Variants in PPP1R18 observed in about 807,000 individuals in gnomAD.
PPP1R18 encodes phostensin.
In PPP1R18, 31 loss-of-function variants were observed where a neutral mutation model predicts 54.8. That is an observed-to-expected ratio of 0.57 (90% CI 0.43 to 0.76). The LOEUF is 0.76. PPP1R18 is among the 30% of genes least tolerant of loss of function. The pLI is 0.00. For missense variants in PPP1R18, 685 were observed against 776.1 expected (o/e 0.88, Z 1.39); for synonymous variants, 310 against 320.2 (o/e 0.97, Z 0.34).
Position 30,684,606 on chromosome 6 carries a change from G to A in PPP1R18, c.1413C>T (p.Thr471=). 6.3e-7 allele frequency: 1 copy of A among 1,585,636 alleles called. No individual in the cohort carries two copies. The highest frequency in any genetic ancestry group is 8.6e-7 in the Non-Finnish European group (1 of 1,165,584). The change falls in exon 1 of 3, where the codon ACC becomes ACT. Residue 471 remains threonine (T), a synonymous_variant. Transcript: ENST00000274853. This position sits in a 1 kb window ranked among gnomAD's most constrained non-coding sequence, Gnocchi z 6.0. ...CAGACCGCCGGGGGTTGACGGTGAAGGTGTGTCCACTGCGGCGGGGGGCCC... is the reference window on the plus strand; with the variant it reads ...CAGACCGCCGGGGGTTGACGGTGAAAGTGTGTCCACTGCGGCGGGGGGCCC... The part of the protein sequence containing the change: ...GVGAPRRSGH[T]FTVNPRRSVP...
chr6:30,685,840 G>A lies in PPP1R18; in HGVS notation c.179C>T (p.Pro60Leu), dbSNP rs1490550874. The change falls in exon 1 of 3, where the codon CCT becomes CTT. Residue 60 changes from proline (P) to leucine (L), a missense_variant. Physicochemically the swap from Pro to Leu is moderately conservative, Grantham distance 98. Transcript: ENST00000274853. This position sits in a 1 kb window ranked among gnomAD's most constrained non-coding sequence, Gnocchi z 5.0. ...KLGLSPGEPS[P>L]VLGTVEAGPP... is the part of the protein sequence containing the mutation. ...TCCAGCCTCTACAGTCCCTAGCACAGGGCTAGGCTCCCCAGGGGACAGCCC... is the reference window on the plus strand; with the variant it reads ...TCCAGCCTCTACAGTCCCTAGCACAAGGCTAGGCTCCCCAGGGGACAGCCC... 5 of 1,612,772 alleles carry A rather than the reference G, an allele frequency of 3.1e-6. No homozygotes were observed. In the East Asian group the frequency reaches 1.1e-4, roughly 36 times the overall value.
At chr6:30,681,009 CG>C (rs1281509656) in intron 1 of PPP1R18, among the ~76,000 whole-genome samples, 1 of 149,934 alleles carries the variant, frequency 6.7e-6, no homozygotes, top group Non-Finnish European at 1.5e-5. Flanking sequence ...TGCTTGAACC[CG>C]GGAGGCGGAG....
At chr6:30,687,630 G>GCCTT (rs1771083667), upstream of PPP1R18, 1 of 152,398 alleles carries the variant, frequency 6.6e-6, no homozygotes, top group Non-Finnish European at 1.5e-5. This position sits in a 1 kb window ranked among gnomAD's most constrained non-coding sequence, Gnocchi z 7.9. Flanking sequence ...CTACGCTTTT[G>GCCTT]CCTTCTCATC....
rs747656158 is a variant in PPP1R18 at position 30,685,365 on chromosome 6, C to T, written c.654G>A (p.Glu218=). The T allele has an allele frequency of 1.9e-6, 3 of 1,612,992 alleles. No individual in the cohort carries two copies. The highest frequency in any genetic ancestry group is 1.7e-5 in the Admixed American group (1 of 60,008). The part of the protein sequence containing the change: ...ESREQSPRRK[E]VESRLSPGES... ...CCCCTGGGCTCAGTCTACTTTCCAC[C>T]TCTTTTCTCCTGGGGCTTTGCTCTC... The change falls in exon 1 of 3, where the codon GAG becomes GAA. Residue 218 remains glutamate, a synonymous_variant. Transcript: ENST00000274853. This position sits in a 1 kb window ranked among gnomAD's most constrained non-coding sequence, Gnocchi z 5.0.
At chr6:30,680,627 G>A (rs983674305) in intron 1 of PPP1R18, among the ~76,000 whole-genome samples, 1 of 151,744 alleles carries the variant, frequency 6.6e-6, no homozygotes, top group African/African-American at 2.4e-5. Context: ...CCAGGAGTTC[G>A]AGACCAGCCT....
rs1770651879 is a variant in PPP1R18 at position 30,683,106 on chromosome 6, C to T, written c.1611+1302G>A. Reference sequence around the variant, plus strand: ...ATGAATTGGGGGATCAAATGAACCCCCCTCCACCCAAGGCTTAACCCGTAT... The same window carrying T: ...ATGAATTGGGGGATCAAATGAACCCTCCTCCACCCAAGGCTTAACCCGTAT... On this transcript the variant is annotated intron_variant, in intron 1 of 2. Transcript: ENST00000274853. This position sits in a 1 kb window ranked among gnomAD's most constrained non-coding sequence, Gnocchi z 5.1. Among the ~76,000 whole-genome samples the T allele has an allele frequency of 6.6e-6, 1 of 152,160 alleles. No individual in the cohort carries two copies. The highest frequency in any genetic ancestry group is 2.1e-4 in the South Asian group (1 of 4,830).
upstream of PPP1R18, chr6:30,688,247 C>G: frequency 9.5e-6 from 2 of 209,726 alleles, no homozygotes; most frequent in South Asian, 7.8e-5. This position sits in a 1 kb window ranked among gnomAD's most constrained non-coding sequence, Gnocchi z 5.9. Context: ...CAGCTATGAC[C>G]GTTGAACTTG....
Position 30,686,459 on chromosome 6 carries a change from C to T in PPP1R18, c.-441G>A. The T allele has an allele frequency of 5.7e-6, 1 of 176,828 alleles. No individual in the cohort carries two copies. 11.0% of individuals were successfully genotyped at this position (176,828 alleles called of 1,614,324 possible). On this transcript the variant is annotated 5_prime_UTR_variant, in exon 1 of 3. Coordinates refer to ENST00000274853, the MANE Select transcript of PPP1R18 (RefSeq NM_133471.4). ...CTGGGTGCAGGCCAGGCTGCCTCAG[C>T]GATACCCCAGGGAGGCTAGTGTGGG...
At position 30,679,309 on chromosome 6, in the gene PPP1R18, GC is replaced by G; in HGVS notation, c.1691del (p.Gly564AlafsTer42). The stretch of plus-strand genomic sequence containing the variant: ...GGGCACTGGGGACCTCAGGCTCCGG[GC>G]CCAGCTCCTCCAGTACCGAACTCTC... ...PSESSVLEELGPEPEVPSAPN... is the reference protein window; with the variant it reads ...PSESSVLEELXPEPEVPSAPN... On this transcript the variant is annotated frameshift_variant, in exon 2 of 3. Transcript: ENST00000274853. LOFTEE classifies it high-confidence loss of function. The G allele has an allele frequency of 6.5e-7, 1 of 1,547,584 alleles. No homozygotes were observed. Among genetic ancestry groups the G allele is most frequent in the Non-Finnish European group, 8.7e-7 (1 of 1,146,162 alleles).
intron 2 of PPP1R18, among the ~76,000 whole-genome samples, chr6:30,678,144 T>C (rs1312825079): frequency 1.3e-5 from 2 of 151,914 alleles, no homozygotes; most frequent in African/African-American, 4.8e-5. Context: ...CTTCTGACCT[T>C]GAGTGATCCA....
At position 30,686,172 on chromosome 6, in the gene PPP1R18, A is replaced by C. The variant is rs1770919550; in HGVS notation, c.-154T>G. The C allele has an allele frequency of 1.9e-5, 14 of 725,428 alleles. No homozygotes were observed. The South Asian group carries it at 2.6e-4, about 13-fold the overall frequency. The allele number at this position is 725,428 out of a possible 1,614,324, so 44.9% of individuals were successfully genotyped here. ...ACAAAGCAGGGCAGAGGGGCTAAGG[A>C]TGAGGACAGAGGGAAAGACGGAAGG... On this transcript the variant is annotated 5_prime_UTR_variant, in exon 1 of 3. Coordinates refer to ENST00000274853, the MANE Select transcript of PPP1R18 (RefSeq NM_133471.4).
chr6:30,682,502 G>A (rs1203458689), intron 1 of PPP1R18, among the ~76,000 whole-genome samples: 2 of 152,206 alleles, frequency 1.3e-5, no homozygotes, highest in African/African-American at 4.8e-5. Flanking sequence ...GTGTGTTGCA[G>A]CAGAGCTGGG....
At position 30,686,268 on chromosome 6, in the gene PPP1R18, G is replaced by T; in HGVS notation, c.-250C>A. On this transcript the variant is annotated 5_prime_UTR_variant, in exon 1 of 3. Coordinates refer to ENST00000274853, the MANE Select transcript of PPP1R18 (RefSeq NM_133471.4). ...AAGTTGGGGGTGGTGGGGGTGATGT[G>T]AGAGGAAGAGTCCGGATTGGAGGCA... The T allele has an allele frequency of 3.9e-6, 2 of 511,540 alleles. No homozygotes were observed. Among genetic ancestry groups the T allele is most frequent in the Non-Finnish European group, 6.9e-6 (2 of 290,602 alleles). The allele number at this position is 511,540 out of a possible 1,614,324, so 31.7% of individuals were successfully genotyped here. A position where few individuals can be genotyped will look rare whatever the true frequency, so the allele number is the denominator to read the frequency against.
intron 1 of PPP1R18, among the ~76,000 whole-genome samples, chr6:30,680,235 A>G (rs1770465894): frequency 6.6e-6 from 1 of 152,204 alleles, no homozygotes; most frequent in African/African-American, 2.4e-5. Context: ...CACTGTCCCA[A>G]GAGCAGGCGA....
rs751965710 is a variant in PPP1R18 at position 30,684,920 on chromosome 6, C to A, written c.1099G>T (p.Glu367Ter). ...EPPESAEKLL[E>*]SPGVEAGEGE... ...TCTCCAGCCTCCACACCGGGAGATT[C>A]CAGAAGCTTCTCTGCTGACTCTGGA... The change falls in exon 1 of 3, where the codon GAA becomes TAA. Residue 367 changes from glutamate (E) to a stop codon, truncating the protein, a stop_gained. Coordinates refer to ENST00000274853, the MANE Select transcript of PPP1R18 (RefSeq NM_133471.4). LOFTEE classifies it high-confidence loss of function. This position sits in a 1 kb window ranked among gnomAD's most constrained non-coding sequence, Gnocchi z 6.0. 2 of 1,612,904 alleles carry A rather than the reference C, an allele frequency of 1.2e-6. No homozygotes were observed. The highest frequency in any genetic ancestry group is 3.3e-5 in the Admixed American group (2 of 60,010).
At chr6:30,680,840 C>A (rs1462110791) in intron 1 of PPP1R18, among the ~76,000 whole-genome samples, 1 of 152,044 alleles carries the variant, frequency 6.6e-6, no homozygotes. Flanking sequence ...AATCCCAGAA[C>A]TTTGGGAGGC....
At position 30,676,959 on chromosome 6, in the gene PPP1R18, A is replaced by C. The variant is rs555616248; in HGVS notation, c.*310T>G. On this transcript the variant is annotated 3_prime_UTR_variant, in exon 3 of 3. Transcript: ENST00000274853. ...GGCTGTGGGGAGAGTGTACCCTGCCATGGGGGGCAGGTGCTCCATCTCCAC... is the reference window on the plus strand; with the variant it reads ...GGCTGTGGGGAGAGTGTACCCTGCCCTGGGGGGCAGGTGCTCCATCTCCAC... The C allele has an allele frequency of 1.9e-6, 1 of 537,150 alleles. No homozygotes were observed. The highest frequency in any genetic ancestry group is 3.3e-6 in the Non-Finnish European group (1 of 303,024). 33.3% of individuals were successfully genotyped at this position (537,150 alleles called of 1,614,324 possible). A position where few individuals can be genotyped will look rare whatever the true frequency, so the allele number is the denominator to read the frequency against.
In PPP1R18 at chr6:30,685,848, C is replaced by T; in HGVS notation, c.171G>A (p.Glu57=). ...RRAKLGLSPG[E]PSPVLGTVEA... is the part of the protein sequence containing the mutation. ...CTACAGTCCCTAGCACAGGGCTAGG[C>T]TCCCCAGGGGACAGCCCAAGCTTGG... Residue 57 remains glutamate, a synonymous_variant, in exon 1 of 3, where the codon GAG becomes GAA. Transcript: ENST00000274853. This position sits in a 1 kb window ranked among gnomAD's most constrained non-coding sequence, Gnocchi z 5.0. 6.2e-7 allele frequency: 1 copy of T among 1,612,626 alleles called. No individual in the cohort carries two copies. Among genetic ancestry groups the T allele is most frequent in the Non-Finnish European group, 8.5e-7 (1 of 1,180,008 alleles).
Position 30,683,610 on chromosome 6 carries a change from AC to A in PPP1R18, c.1611+797del, listed in dbSNP as rs1219598071. Among the ~76,000 whole-genome samples the A allele has an allele frequency of 6.6e-6, 1 of 152,134 alleles. No individual in the cohort carries two copies. The highest frequency in any genetic ancestry group is 1.5e-5 in the Non-Finnish European group (1 of 68,002). The stretch of plus-strand genomic sequence containing the variant: ...AGCCAGTTCTTGGGAGGGAGGGGAA[AC>A]CCAGGGAGGAAGGACAGGGGAGTGA... On this transcript the variant is annotated intron_variant, in intron 1 of 2. Transcript: ENST00000274853. The surrounding 1 kb of genome is among the most constrained non-coding windows in gnomAD (Gnocchi z 5.1).
Sources: allele counts gnomAD v4.1 joint callset (sites outside exome capture counted in the v4.1 genomes callset), GRCh38; gene constraint gnomAD v4.1.1; non-coding constraint Gnocchi (gnomAD v3.1); transcripts MANE v1.5; gene names NCBI Gene and HGNC (gene_info 2026-07-23, HGNC 2026-07-21).